The following BOC variants were observed in gnomAD, a reference collection of about 807,000 sequenced individuals.
The protein encoded by BOC is BOC cell adhesion associated, oncogene regulated, also known as brother of CDO.
A neutral mutation model predicts 112.0 loss-of-function variants in BOC; 76 were observed. The observed-to-expected ratio is 0.68, with a 90% CI of 0.56 to 0.82. The LOEUF is 0.82. Among genes scored for constraint, BOC ranks in the 40% least tolerant of loss-of-function variants. The pLI, the probability that BOC is intolerant of heterozygous loss-of-function variation, is 0.00. For missense variants in BOC, 1,309 were observed against 1,511.7 expected (o/e 0.87, Z 2.22); for synonymous variants, 580 against 599.8 (o/e 0.97, Z 0.48).
At chr3:113,270,489 C>T (rs1947988610) in intron 5 of BOC, 1 of 278,260 alleles carries the variant, frequency 3.6e-6, no homozygotes, top group Non-Finnish European at 6.8e-6. Flanking sequence ...TTCTAGCCTC[C>T]CTTAGCTCCC....
chr3:113,285,088 T>C (rs1381447711), intron 18 of BOC, among the ~76,000 whole-genome samples: 2 of 152,252 alleles, frequency 1.3e-5, no homozygotes, highest in Non-Finnish European at 2.9e-5. Context: ...GAATCCTCCG[T>C]CACTAGACAG....
chr3:113,222,705 G>T (rs961858654), intron 2 of BOC, among the ~76,000 whole-genome samples: 1 of 150,442 alleles, frequency 6.6e-6, no homozygotes, highest in African/African-American at 2.5e-5. Flanking sequence ...GGAGACGCAG[G>T]GGGGTGCCCA....
Position 113,274,492 on chromosome 3 carries a change from C to T in BOC, c.1352C>T (p.Pro451Leu), listed in dbSNP as rs1948460929. The T allele has an allele frequency of 6.2e-7, 1 of 1,612,396 alleles. No homozygotes were observed. The change falls in exon 9 of 20, where the codon CCC becomes CTC. Residue 451 changes from proline to leucine, a missense_variant. By Grantham distance (98) the Pro-to-Leu change is moderately conservative. Transcript: ENST00000682979. The surrounding 1 kb of genome is among the most constrained non-coding windows in gnomAD (Gnocchi z 4.8). The part of the protein sequence containing the change: ...MLRGQPALPR[P>L]PTSVGPASPQ... ...AGGGGGCAACCGGCGCTCCCCAGAC[C>T]CCCAACGTCAGTGGGGCCTGCTTCC...
At chr3:113,215,652 C>T (rs995671479) in intron 1 of BOC, among the ~76,000 whole-genome samples, 2 of 152,200 alleles carry the variant, frequency 1.3e-5, no homozygotes, top group Non-Finnish European at 2.9e-5. Flanking sequence ...TCCATGAGTC[C>T]TATAATCAAG....
At chr3:113,238,707 G>T (rs780133434) in intron 2 of BOC, among the ~76,000 whole-genome samples, 8 of 152,196 alleles carry the variant, frequency 5.3e-5, no homozygotes, top group Non-Finnish European at 1.0e-4. Context: ...TTTATCATCT[G>T]TGTGATCTTG....
chr3:113,279,684 T>A, intron 12 of BOC, 140 bp from the exon 13 acceptor site: 1 of 905,514 alleles, frequency 1.1e-6, no homozygotes, highest in South Asian at 1.8e-5. Context: ...CAGTGGCGGG[T>A]GTTCTTGTGA....
intron 2 of BOC, among the ~76,000 whole-genome samples, chr3:113,220,086 G>A (rs1940303347): frequency 6.6e-6 from 1 of 152,104 alleles, no homozygotes; most frequent in South Asian, 2.1e-4. Flanking sequence ...AGGAGAAGTG[G>A]CAGCTTGTAC....
At chr3:113,222,878 G>A (rs1453452005) in intron 2 of BOC, among the ~76,000 whole-genome samples, 1 of 152,218 alleles carries the variant, frequency 6.6e-6, no homozygotes, top group Admixed American at 6.5e-5. Flanking sequence ...TACAGGGGGT[G>A]AATTTTAAAA....
At chr3:113,228,924 C>G (rs1406356382) in intron 2 of BOC, among the ~76,000 whole-genome samples, 2 of 152,076 alleles carry the variant, frequency 1.3e-5, no homozygotes, top group East Asian at 3.9e-4. Context: ...AAGTTCCAGC[C>G]TGCTCCTCCG....
At chr3:113,258,787 C>G (rs1946504608) in intron 4 of BOC, among the ~76,000 whole-genome samples, 1 of 152,202 alleles carries the variant, frequency 6.6e-6, no homozygotes, top group Admixed American at 6.5e-5. Flanking sequence ...GGAGAGCCAG[C>G]TTGAAATTTA....
chr3:113,242,004 C>T (rs572801676), intron 2 of BOC, among the ~76,000 whole-genome samples: 33 of 151,058 alleles, frequency 2.2e-4, no homozygotes, highest in African/African-American at 7.8e-4. Flanking sequence ...AGGGGAGAGG[C>T]GAGGAGGGAA....
chr3:113,222,150 G>C (rs972506826), intron 2 of BOC, among the ~76,000 whole-genome samples: 1 of 152,094 alleles, frequency 6.6e-6, no homozygotes, highest in African/African-American at 2.4e-5. Context: ...CTCCTGGCTC[G>C]TGTTTATTTG....
At chr3:113,282,272 G>A (rs1949268397) in intron 15 of BOC, among the ~76,000 whole-genome samples, 1 of 152,172 alleles carries the variant, frequency 6.6e-6, no homozygotes, top group Non-Finnish European at 1.5e-5. Context: ...GACTGTGCAG[G>A]GAATGGGCTG....
At chr3:113,282,186 G>A (rs1414917936) in intron 15 of BOC, among the ~76,000 whole-genome samples, 4 of 152,176 alleles carry the variant, frequency 2.6e-5, no homozygotes, top group Non-Finnish European at 5.9e-5. Flanking sequence ...TGCAGCCAGG[G>A]AGAGCTGGAG....
chr3:113,250,423 A>C (rs4682131), intron 3 of BOC, 132 bp from the exon 4 acceptor site: 1 of 991,096 alleles, frequency 1.0e-6, no homozygotes, highest in Non-Finnish European at 1.5e-6. Context: ...GGACAAGAGC[A>C]GTAGAGTCGG....
rs761876559 is a variant in BOC, at chr3:113,284,855, C to G, written c.2963C>G (p.Thr988Arg). 1.9e-6 allele frequency: 3 copies of G among 1,613,940 alleles called. No homozygotes were observed. The African/African-American group carries it at 4.0e-5, about 22-fold the overall frequency. ...TATGACCCCCAAAGTCACCAGATCA[C>G]GAGGTAACCAGGCCTCTCCCCTTTC... ...NGYDPQSHQITRGPKSSPDEG... is the reference protein window; with the variant it reads ...NGYDPQSHQIRRGPKSSPDEG... Residue 988 changes from threonine (T) to arginine (R), a missense_variant, in exon 18 of 20, where the codon ACG becomes AGG. Transcript: ENST00000682979.
intron 2 of BOC, among the ~76,000 whole-genome samples, chr3:113,246,835 C>A (rs1229603572): frequency 6.6e-6 from 1 of 152,100 alleles, no homozygotes; most frequent in Non-Finnish European, 1.5e-5. Flanking sequence ...TGCACCTTCT[C>A]ACTCCCTCTC....
chr3:113,278,800 A>C lies in BOC; in HGVS notation c.1816+17A>C. The C allele has an allele frequency of 6.5e-7, 1 of 1,550,280 alleles. No homozygotes were observed. Among genetic ancestry groups the C allele is most frequent in the Non-Finnish European group, 8.7e-7 (1 of 1,145,522 alleles). ...GCCTCTCCCGTAAGCCGCTAGCAGC[A>C]GGGACGGACGCGCAGTCAGGACTGG... On this transcript the variant is annotated intron_variant, in intron 11 of 19. Transcript: ENST00000682979. This position sits in a 1 kb window ranked among gnomAD's most constrained non-coding sequence, Gnocchi z 4.2.
At position 113,253,874 on chromosome 3, in the gene BOC, A is replaced by G. The variant is rs998911639; in HGVS notation, c.376+3041A>G. 2.0e-5 allele frequency among the ~76,000 whole-genome samples: 3 copies of G among 152,214 alleles called. No individual in the cohort carries two copies. In the East Asian group the frequency reaches 5.8e-4, roughly 29 times the overall value. On this transcript the variant is annotated intron_variant, in intron 4 of 19. Transcript: ENST00000682979. ...CTTAAAGAGCAGCACTGCTCATTCA[A>G]CAGGGAGGTTTCATCTGCAAATGGG... is the stretch of plus-strand genomic sequence containing the variant.
Sources: gnomAD v4.1 joint callset for allele counts (sites outside exome capture counted in the v4.1 genomes callset) on GRCh38, gnomAD v4.1.1 for gene constraint, Gnocchi (gnomAD v3.1) non-coding constraint, MANE v1.5 for transcripts, NCBI Gene and HGNC (gene_info 2026-07-23, HGNC 2026-07-21) for gene names.